FGD5: variants seen among roughly 807,000 people sequenced by gnomAD.
FGD5 encodes FYVE, RhoGEF and PH domain containing 5, also known as FYVE, RhoGEF and PH domain-containing protein 5.
FGD5 carries 28 observed loss-of-function variants against 133.4 expected under a neutral mutation model. That is an observed-to-expected ratio of 0.21 (90% CI 0.16 to 0.29). The LOEUF (loss-of-function observed/expected upper bound fraction) is 0.29. FGD5 is among the 10% of genes least tolerant of loss of function. The pLI is 1.00. For synonymous variants in FGD5, 810 were observed against 776.5 expected, an observed-to-expected ratio of 1.04 and a Z score of -0.72; for missense variants, 1,858 against 1,895.2, an observed-to-expected ratio of 0.98 and a Z score of 0.36.
In FGD5 at chr3:14,934,071, T is replaced by A. The variant is rs1377192403; in HGVS notation, c.*904T>A. On this transcript the variant is annotated 3_prime_UTR_variant, in exon 20 of 20. Transcript: ENST00000285046. ...TCACTCAAGCTGACAACATTGTTTA[T>A]GGGAATCTATCCTTCTTTTAGACAC... The A allele has an allele frequency of 2.0e-5, 3 of 152,268 alleles. No homozygotes were observed. Among genetic ancestry groups the A allele is most frequent in the African/African-American group, 7.2e-5 (3 of 41,472 alleles). 9.4% of individuals were successfully genotyped at this position (152,268 alleles called of 1,614,324 possible).
intron 4 of FGD5, among the ~76,000 whole-genome samples, chr3:14,885,490 C>T (rs533539908): frequency 3.3e-5 from 5 of 152,300 alleles, no homozygotes; most frequent in African/African-American, 9.6e-5. Flanking sequence ...GATCATATAG[C>T]CTCCAGCGGA....
In FGD5 at chr3:14,926,067, C is replaced by T; in HGVS notation, c.4069-3C>T. 2 of 1,613,586 alleles carry T rather than the reference C, an allele frequency of 1.2e-6. No homozygotes were observed. Among genetic ancestry groups the T allele is most frequent in the Non-Finnish European group, 8.5e-7 (1 of 1,179,706 alleles). Reference sequence around the variant, plus strand: ...GCTGACCGCTCTGCTTCCCTCCTGCCAGGTGGCTGCCTCTGGAGAGGGCTC... The same window carrying T: ...GCTGACCGCTCTGCTTCCCTCCTGCTAGGTGGCTGCCTCTGGAGAGGGCTC... On this transcript the variant is annotated splice_region_variant and splice_polypyrimidine_tract_variant and intron_variant, in intron 17 of 19. Transcript: ENST00000285046.
chr3:14,819,329 C>A lies in FGD5; in HGVS notation c.258C>A (p.Asn86Lys). Residue 86 changes from asparagine (N) to lysine (K), a missense_variant, in exon 1 of 20, where the codon AAC becomes AAA. Asn to Lys is a moderately conservative substitution (Grantham distance 94). This residue lies in a region of FGD5 where 1,824 missense variants were observed against 1,848.9 expected (regional missense o/e 0.99). Transcript: ENST00000285046. The surrounding 1 kb of genome is among the most constrained non-coding windows in gnomAD (Gnocchi z 4.1). ...CCAAGGACGAGGGCAGTGTGGGGAA[C>A]AAAGCCCTGGTGTCTCCCGAGTCCT... ...DEPKDEGSVG[N>K]KALVSPESSA... 6.5e-7 allele frequency: 1 copy of A among 1,541,978 alleles called. No homozygotes were observed. Among genetic ancestry groups the A allele is most frequent in the South Asian group, 1.2e-5 (1 of 81,850 alleles).
chr3:14,873,169 C>A (rs2037645150), intron 2 of FGD5, among the ~76,000 whole-genome samples: 1 of 152,172 alleles, frequency 6.6e-6, no homozygotes, highest in Non-Finnish European at 1.5e-5. Flanking sequence ...TGTGTCCAAC[C>A]TCCCATCACA....
intron 13 of FGD5, chr3:14,921,497 T>C (rs2038679340): frequency 1.0e-5 from 2 of 191,670 alleles, no homozygotes; most frequent in Admixed American, 5.2e-5. Flanking sequence ...GACACAGATG[T>C]TTACCTTTGC....
chr3:14,920,027 C>T (rs538493938), intron 13 of FGD5, among the ~76,000 whole-genome samples: 4 of 152,154 alleles, frequency 2.6e-5, no homozygotes, highest in African/African-American at 2.4e-5. Context: ...TCCAGGCCCT[C>T]GGGTTGCCTG....
At position 14,917,351 on chromosome 3, in the gene FGD5, G is replaced by C. The variant is rs1430328741; in HGVS notation, c.3489+19G>C. Reference sequence around the variant, plus strand: ...CATGAAGGTAAATATCTGGTGCCAGGTACCCCCGGGTTGGGGGACAGGGAG... The same window carrying C: ...CATGAAGGTAAATATCTGGTGCCAGCTACCCCCGGGTTGGGGGACAGGGAG... On this transcript the variant is annotated intron_variant, in intron 12 of 19. Transcript: ENST00000285046. The surrounding 1 kb of genome is among the most constrained non-coding windows in gnomAD (Gnocchi z 4.1). The C allele has an allele frequency of 1.9e-6, 3 of 1,605,814 alleles. No individual in the cohort carries two copies. In the South Asian group the frequency reaches 3.4e-5, roughly 18 times the overall value.
At chr3:14,895,584 T>G (rs1222254987) in intron 4 of FGD5, among the ~76,000 whole-genome samples, 1 of 152,096 alleles carries the variant, frequency 6.6e-6, no homozygotes. Context: ...TTTGTTTGTT[T>G]GTTTTATGAG....
upstream of FGD5, chr3:14,818,855 G>T: frequency 1.6e-6 from 2 of 1,289,642 alleles, 1 homozygote; most frequent in South Asian, 3.5e-5. Flanking sequence ...ATGGATGGAC[G>T]GAACCATCTG....
At chr3:14,825,025 A>G (rs1340842696) in intron 1 of FGD5, among the ~76,000 whole-genome samples, 1 of 152,200 alleles carries the variant, frequency 6.6e-6, no homozygotes, top group Non-Finnish European at 1.5e-5. Flanking sequence ...ATTCAGTGTT[A>G]TTTAAAATCC....
intron 4 of FGD5, among the ~76,000 whole-genome samples, chr3:14,893,159 A>C (rs1246951300): frequency 2.0e-5 from 3 of 152,192 alleles, no homozygotes; most frequent in East Asian, 3.8e-4. Context: ...AATCTTTATA[A>C]ATTTTTATTC....
intron 11 of FGD5, among the ~76,000 whole-genome samples, chr3:14,914,559 C>G (rs887867664): frequency 7.2e-5 from 11 of 152,220 alleles, no homozygotes; most frequent in African/African-American, 2.7e-4. Context: ...GGGGCCATCA[C>G]AGAGAGGCTG....
At chr3:14,837,285 G>C (rs544905521) in intron 1 of FGD5, among the ~76,000 whole-genome samples, 1 of 152,220 alleles carries the variant, frequency 6.6e-6, no homozygotes, top group Non-Finnish European at 1.5e-5. Context: ...GAAGGGGAAG[G>C]TGTGAGTGTA....
chr3:14,881,869 A>C (rs147664499), intron 4 of FGD5, among the ~76,000 whole-genome samples: 434 of 152,180 alleles, frequency 2.9e-3, no homozygotes, highest in South Asian at 0.021. Flanking sequence ...CTGCCTTGGG[A>C]GCTCCATGGG....
In FGD5 at chr3:14,881,573, C is replaced by T. The variant is rs139886319; in HGVS notation, c.2748+801C>T. Among the ~76,000 whole-genome samples the T allele has an allele frequency of 2.5e-3, 381 of 152,276 alleles. 5 individuals carry two copies. Among genetic ancestry groups the T allele is most frequent in the African/African-American group, 8.8e-3 (365 of 41,552 alleles). On this transcript the variant is annotated intron_variant, in intron 4 of 19. Coordinates refer to ENST00000285046, the MANE Select transcript of FGD5 (RefSeq NM_152536.4). ...GTGAGAAGAGGGCACAGCAAAGACT[C>T]GGGAAGTAGGGAACCATGGCAGTCT...
At chr3:14,822,611 C>A (rs1261953473) in intron 1 of FGD5, among the ~76,000 whole-genome samples, 1 of 152,048 alleles carries the variant, frequency 6.6e-6, no homozygotes, top group Non-Finnish European at 1.5e-5. Context: ...CATTGATCAT[C>A]CCGAGTGGAT....
At chr3:14,900,699 A>G (rs569450984) in intron 8 of FGD5, among the ~76,000 whole-genome samples, 135 of 152,224 alleles carry the variant, frequency 8.9e-4, no homozygotes, top group African/African-American at 3.2e-3. Flanking sequence ...GGGATGGGGG[A>G]GTCACCAGAA....
chr3:14,845,846 C>T (rs936210957), intron 1 of FGD5, among the ~76,000 whole-genome samples: 1 of 152,160 alleles, frequency 6.6e-6, no homozygotes, highest in African/African-American at 2.4e-5. Context: ...TCAGGTCCTC[C>T]CTGACTAGTG....
chr3:14,850,866 A>G (rs894344037), intron 1 of FGD5, among the ~76,000 whole-genome samples: 9 of 152,022 alleles, frequency 5.9e-5, no homozygotes, highest in African/African-American at 2.2e-4. Context: ...CAGTCTTGGA[A>G]GGGGGATAGA....
Sources: allele counts gnomAD v4.1 joint callset (sites outside exome capture counted in the v4.1 genomes callset), GRCh38; gene constraint gnomAD v4.1.1; regional missense constraint gnomAD v4.1.1; non-coding constraint Gnocchi (gnomAD v3.1); transcripts MANE v1.5; gene names NCBI Gene and HGNC (gene_info 2026-07-23, HGNC 2026-07-21).